Variants in FAM107B observed in about 807,000 individuals in gnomAD.
FAM107B encodes the protein family with sequence similarity 107 member B.
In FAM107B, 21 loss-of-function variants were observed where a neutral mutation model predicts 31.5. That is an observed-to-expected ratio of 0.67 (90% CI 0.47 to 0.96). The LOEUF (loss-of-function observed/expected upper bound fraction) is 0.96, where lower values mean the gene tolerates loss of function less well. FAM107B is among the 40% of genes least tolerant of loss of function. The pLI is 0.00. For missense variants in FAM107B, 452 were observed against 377.1 expected (o/e 1.20, Z -1.64); for synonymous variants, 157 against 141.5 (o/e 1.11, Z -0.78).
chr10:14,521,002 C>T lies in FAM107B; in HGVS notation c.*188G>A, dbSNP rs549523744. The T allele has an allele frequency of 1.5e-5, 8 of 548,022 alleles. No individual in the cohort carries two copies. Among genetic ancestry groups the T allele is most frequent in the South Asian group, 7.8e-5 (3 of 38,560 alleles). 33.9% of individuals were successfully genotyped at this position (548,022 alleles called of 1,614,324 possible). A position where few individuals can be genotyped will look rare whatever the true frequency, so the allele number is the denominator to read the frequency against. ...GTGCGGGGCACTGCCCTTCATTTGGCGAATAGGAACTGCAACTGTCACAGG... is the reference window on the plus strand; with the variant it reads ...GTGCGGGGCACTGCCCTTCATTTGGTGAATAGGAACTGCAACTGTCACAGG... On this transcript the variant is annotated 3_prime_UTR_variant, in exon 5 of 5. Transcript: ENST00000181796.
At chr10:14,593,555 ACAGTGGCGGGCACCTGT>A (rs1852086291) in intron 2 of FAM107B, among the ~76,000 whole-genome samples, 1 of 152,108 alleles carries the variant, frequency 6.6e-6, no homozygotes, top group African/African-American at 2.4e-5. Flanking sequence ...TTAGCCAGGC[ACAGTGGCGGGCACCTGT>A]AATCCCAGCT....
At chr10:14,588,007 C>CT (rs1163170871) in intron 2 of FAM107B, among the ~76,000 whole-genome samples, 2 of 152,180 alleles carry the variant, frequency 1.3e-5, no homozygotes, top group Non-Finnish European at 2.9e-5. Flanking sequence ...TTAAAAAAGA[C>CT]TATCTAATGA....
intron 1 of FAM107B, among the ~76,000 whole-genome samples, chr10:14,767,148 G>T (rs973439802): frequency 7.0e-6 from 1 of 142,982 alleles, no homozygotes; most frequent in East Asian, 2.1e-4. Flanking sequence ...AGGCTGGAGC[G>T]CAGTGCCACA....
chr10:14,647,964 GA>G (rs1482524733), intron 2 of FAM107B, among the ~76,000 whole-genome samples: 1 of 145,412 alleles, frequency 6.9e-6, no homozygotes, highest in Non-Finnish European at 1.5e-5. Flanking sequence ...CTTCTGCGGA[GA>G]AACTGAAAAA....
At position 14,521,897 on chromosome 10, in the gene FAM107B, A is replaced by T. The variant is rs1448652845; in HGVS notation, c.776T>A (p.Leu259Gln). Residue 259 changes from leucine (L) to glutamine (Q), a missense_variant, in exon 4 of 5, where the codon CTA becomes CAA. Coordinates refer to ENST00000181796, the MANE Select transcript of FAM107B (RefSeq NM_031453.4). ...CTCCAACTTCTGCTGCCGTTTTAATAGCTCTATTTCCAAGTCAGATTTCTT... is the reference window on the plus strand; with the variant it reads ...CTCCAACTTCTGCTGCCGTTTTAATTGCTCTATTTCCAAGTCAGATTTCTT... ...QKKKSDLEIE[L>Q]LKRQQKLEQL... 6.2e-7 allele frequency: 1 copy of T among 1,613,924 alleles called. No individual in the cohort carries two copies. The highest frequency in any genetic ancestry group is 8.5e-7 in the Non-Finnish European group (1 of 1,180,012).
chr10:14,691,325 C>T (rs1296178303), intron 1 of FAM107B, among the ~76,000 whole-genome samples: 5 of 152,146 alleles, frequency 3.3e-5, no homozygotes, highest in Admixed American at 6.6e-5. Flanking sequence ...CTGCAGAGTC[C>T]ATGTCTCCAA....
At chr10:14,616,308 C>G (rs184541847) in intron 2 of FAM107B, among the ~76,000 whole-genome samples, 1 of 152,068 alleles carries the variant, frequency 6.6e-6, no homozygotes, top group Admixed American at 6.5e-5. Flanking sequence ...ACTGGAAACT[C>G]GAGCTTCAAA....
intron 3 of FAM107B, among the ~76,000 whole-genome samples, chr10:14,525,641 T>C (rs1846149110): frequency 6.6e-6 from 1 of 152,196 alleles, no homozygotes; most frequent in South Asian, 2.1e-4. Context: ...TCTATACCCA[T>C]ATAAACATGC....
At chr10:14,690,340 C>T (rs1359255345) in intron 1 of FAM107B, among the ~76,000 whole-genome samples, 1 of 152,246 alleles carries the variant, frequency 6.6e-6, no homozygotes, top group African/African-American at 2.4e-5. Flanking sequence ...GTTTCTGCTT[C>T]CTCCCCTCAT....
chr10:14,628,112 G>GGTTTTTT (rs1440347763), intron 2 of FAM107B, among the ~76,000 whole-genome samples: 2 of 92,676 alleles, frequency 2.2e-5, no homozygotes, highest in African/African-American at 7.8e-5. Context: ...TGTTTTGCTG[G>GGTTTTTT]TTTTTTTTTT....
chr10:14,721,656 G>A (rs1260606224), intron 1 of FAM107B, among the ~76,000 whole-genome samples: 1 of 152,222 alleles, frequency 6.6e-6, no homozygotes, highest in South Asian at 2.1e-4. Flanking sequence ...TTTGAGAAGT[G>A]TCTGTTCATA....
chr10:14,767,081 G>GAGAGAGAGAC (rs1833193175), intron 1 of FAM107B, among the ~76,000 whole-genome samples: 2 of 102,634 alleles, frequency 1.9e-5, no homozygotes, highest in African/African-American at 8.3e-5. Context: ...GAGAGAGAGA[G>GAGAGAGAGAC]AGAGAGAGAG....
chr10:14,662,378 C>CT (rs3035295), intron 2 of FAM107B, among the ~76,000 whole-genome samples: 81,033 of 139,298 alleles, frequency 0.58, 23,965 homozygotes, highest in Admixed American at 0.66. Flanking sequence ...TCTGACCTGT[C>CT]TTTTTTTTTT....
chr10:14,691,375 G>C (rs1222697840), intron 1 of FAM107B, among the ~76,000 whole-genome samples: 1 of 152,198 alleles, frequency 6.6e-6, no homozygotes, highest in African/African-American at 2.4e-5. Context: ...ACATGATCAA[G>C]TGCCAGTTCT....
chr10:14,580,561 T>C (rs1851603899), intron 2 of FAM107B, among the ~76,000 whole-genome samples: 2 of 152,092 alleles, frequency 1.3e-5, no homozygotes, highest in South Asian at 4.2e-4. Flanking sequence ...AGAAAAAATA[T>C]CATGGTATGA....
intron 1 of FAM107B, among the ~76,000 whole-genome samples, chr10:14,717,579 GC>G (rs1249526476): frequency 2.0e-5 from 3 of 152,178 alleles, no homozygotes; most frequent in Non-Finnish European, 2.9e-5. Flanking sequence ...AAACATCTGG[GC>G]CCAGGAAAAG....
At chr10:14,653,343 T>C (rs1467077521) in intron 2 of FAM107B, among the ~76,000 whole-genome samples, 1 of 152,236 alleles carries the variant, frequency 6.6e-6, no homozygotes, top group African/African-American at 2.4e-5. Flanking sequence ...ACTGGAGTTA[T>C]GCTGATCGAA....
rs1853506540 is a variant in FAM107B, at chr10:14,636,633, C to T, written c.469+31001G>A. 3.3e-5 allele frequency among the ~76,000 whole-genome samples: 5 copies of T among 151,798 alleles called. 1 individual carries two copies. In the South Asian group the frequency reaches 8.3e-4, roughly 25 times the overall value. On this transcript the variant is annotated intron_variant, in intron 2 of 4. Coordinates refer to ENST00000181796, the MANE Select transcript of FAM107B (RefSeq NM_031453.4). The stretch of plus-strand genomic sequence containing the variant: ...TAACTTAATCACTTCTCTAAAGGTC[C>T]ATCTCCAAACACAGTTACATGGCGA...
intron 1 of FAM107B, among the ~76,000 whole-genome samples, chr10:14,718,162 A>T (rs1361360749): frequency 6.6e-6 from 1 of 152,260 alleles, no homozygotes; most frequent in East Asian, 1.9e-4. Flanking sequence ...CCCTGTCTCT[A>T]CTAAAAATAC....
Sources: gnomAD v4.1 joint callset for allele counts (sites outside exome capture counted in the v4.1 genomes callset) on GRCh38, gnomAD v4.1.1 for gene constraint, MANE v1.5 for transcripts, NCBI Gene and HGNC (gene_info 2026-07-23, HGNC 2026-07-21) for gene names.